SLC24A3: variants seen among roughly 807,000 people sequenced by gnomAD.
SLC24A3 encodes solute carrier family 24 member 3.
Under a neutral mutation model 75.8 loss-of-function variants are expected in SLC24A3, and 28 were observed. That is an observed-to-expected ratio of 0.37 (90% CI 0.27 to 0.51). The LOEUF is 0.51. Among genes scored for constraint, SLC24A3 ranks in the 20% least tolerant of loss-of-function variants. The pLI is 0.94. For synonymous variants in SLC24A3, 372 were observed against 334.1 expected, an observed-to-expected ratio of 1.11 and a Z score of -1.24; for missense variants, 663 against 847.8, an observed-to-expected ratio of 0.78 and a Z score of 2.71.
intron 2 of SLC24A3, among the ~76,000 whole-genome samples, chr20:19,392,076 C>T (rs1362801763): frequency 1.3e-5 from 2 of 152,088 alleles, no homozygotes; most frequent in Non-Finnish European, 2.9e-5. Context: ...CGGGGGCACA[C>T]AGTAGGTATA....
intron 2 of SLC24A3, among the ~76,000 whole-genome samples, chr20:19,336,530 C>T (rs953727923): frequency 2.6e-5 from 4 of 152,194 alleles, no homozygotes; most frequent in East Asian, 1.9e-4. Flanking sequence ...GAATTACAGG[C>T]GCCTGCCACC....
At chr20:19,399,106 A>G (rs1986506959) in intron 2 of SLC24A3, among the ~76,000 whole-genome samples, 1 of 152,134 alleles carries the variant, frequency 6.6e-6, no homozygotes, top group Admixed American at 6.5e-5. Flanking sequence ...TGTCCATTAC[A>G]TATATATAGA....
chr20:19,470,342 C>T (rs529904917), intron 2 of SLC24A3, among the ~76,000 whole-genome samples: 1 of 152,300 alleles, frequency 6.6e-6, no homozygotes, highest in East Asian at 1.9e-4. Flanking sequence ...GTTATCTCAG[C>T]AACTCCAGGT....
intron 3 of SLC24A3, among the ~76,000 whole-genome samples, chr20:19,516,994 A>G (rs1009212307): frequency 5.3e-5 from 8 of 152,144 alleles, no homozygotes; most frequent in African/African-American, 1.9e-4. Flanking sequence ...GGTAAAATCA[A>G]TCAACTCTTC....
chr20:19,230,664 G>GT (rs1228522004), intron 1 of SLC24A3, among the ~76,000 whole-genome samples: 11 of 130,052 alleles, frequency 8.5e-5, no homozygotes, highest in African/African-American at 3.0e-4. Flanking sequence ...ATATTGATGG[G>GT]GGGGGTGCCC....
intron 15 of SLC24A3, among the ~76,000 whole-genome samples, chr20:19,699,449 G>A (rs748721438): frequency 1.3e-5 from 2 of 152,238 alleles, no homozygotes; most frequent in African/African-American, 4.8e-5. Context: ...TGATGTCTAG[G>A]ATAGAATGTC....
intron 6 of SLC24A3, among the ~76,000 whole-genome samples, chr20:19,596,248 G>A (rs150670388): frequency 6.2e-4 from 94 of 152,296 alleles, no homozygotes; most frequent in African/African-American, 2.1e-3. Flanking sequence ...CTTGAGTGGC[G>A]TTGTCAGCAG....
In SLC24A3 at chr20:19,212,896, C is replaced by A; in HGVS notation, c.54C>A (p.Arg18=). The A allele has an allele frequency of 7.6e-7, 1 of 1,320,588 alleles. No homozygotes were observed. Among genetic ancestry groups the A allele is most frequent in the Non-Finnish European group, 9.7e-7 (1 of 1,030,574 alleles). 81.8% of individuals were successfully genotyped at this position (1,320,588 alleles called of 1,614,324 possible). A position where few individuals can be genotyped will look rare whatever the true frequency, so the allele number is the denominator to read the frequency against. Residue 18 remains arginine, a synonymous_variant, in exon 1 of 17, where the codon CGC becomes CGA. Transcript: ENST00000328041. The stretch of plus-strand genomic sequence containing the variant: ...CGCGTCGCCGCCGCCGCCGCCGCCG[C>A]CGGAGGGACCTTCTGCTGAGCCAGC... The part of the protein sequence containing the change: ...DRARRRRRRR[R]RRDLLLSQLC...
chr20:19,627,136 C>A (rs148886992), intron 6 of SLC24A3, among the ~76,000 whole-genome samples: 1,748 of 152,248 alleles, frequency 0.011, 18 homozygotes, highest in Middle Eastern at 0.041. Context: ...ATGCAACAGG[C>A]ACTTAGGAAA....
intron 2 of SLC24A3, among the ~76,000 whole-genome samples, chr20:19,500,037 C>T (rs1401709247): frequency 1.3e-5 from 2 of 152,126 alleles, no homozygotes; most frequent in Non-Finnish European, 2.9e-5. Flanking sequence ...GTGGATGTAG[C>T]GACTCTGCCC....
intron 3 of SLC24A3, among the ~76,000 whole-genome samples, chr20:19,567,407 A>C (rs975132522): frequency 3.3e-5 from 5 of 152,246 alleles, no homozygotes; most frequent in Admixed American, 1.3e-4. Flanking sequence ...ATTAATAAAC[A>C]GAAAGTCAAA....
chr20:19,515,243 G>A (rs2029961465), intron 2 of SLC24A3, among the ~76,000 whole-genome samples: 1 of 152,204 alleles, frequency 6.6e-6, no homozygotes, highest in South Asian at 2.1e-4. Context: ...AAGTATGATG[G>A]TATGACGTGT....
intron 3 of SLC24A3, among the ~76,000 whole-genome samples, chr20:19,565,470 C>T (rs1439153380): frequency 6.6e-6 from 1 of 152,114 alleles, no homozygotes; most frequent in Non-Finnish European, 1.5e-5. Context: ...GCTGCTTTGC[C>T]TCAAGTTCTG....
At chr20:19,689,238 T>C (rs1242672554) in intron 12 of SLC24A3, among the ~76,000 whole-genome samples, 1 of 152,246 alleles carries the variant, frequency 6.6e-6, no homozygotes, top group African/African-American at 2.4e-5. Flanking sequence ...TTGCCGATAT[T>C]ATCGGAACAA....
chr20:19,699,771 T>G (rs1164903839), intron 15 of SLC24A3, among the ~76,000 whole-genome samples: 1 of 152,202 alleles, frequency 6.6e-6, no homozygotes, highest in Non-Finnish European at 1.5e-5. Flanking sequence ...GCTTTCTCCC[T>G]TGCAGGAAAC....
intron 2 of SLC24A3, among the ~76,000 whole-genome samples, chr20:19,347,641 G>A (rs900873776): frequency 1.3e-5 from 2 of 152,184 alleles, no homozygotes; most frequent in Non-Finnish European, 2.9e-5. Context: ...AATTGGAACA[G>A]AATTCATGGT....
intron 6 of SLC24A3, among the ~76,000 whole-genome samples, chr20:19,624,790 A>G (rs1246000770): frequency 6.6e-6 from 1 of 152,230 alleles, no homozygotes; most frequent in Non-Finnish European, 1.5e-5. Flanking sequence ...GCAGGCAGTC[A>G]GTCATACAGC....
At chr20:19,626,641 T>C (rs2031869796) in intron 6 of SLC24A3, among the ~76,000 whole-genome samples, 1 of 152,242 alleles carries the variant, frequency 6.6e-6, no homozygotes, top group Non-Finnish European at 1.5e-5. Flanking sequence ...TAGTCCTTAA[T>C]GCTGGTGCTC....
intron 6 of SLC24A3, among the ~76,000 whole-genome samples, chr20:19,607,526 T>G (rs1235792771): frequency 6.6e-6 from 1 of 152,246 alleles, no homozygotes; most frequent in Non-Finnish European, 1.5e-5. Flanking sequence ...TGCTCATTAA[T>G]GTACCATTTC....
Sources: gnomAD v4.1 joint callset for allele counts (sites outside exome capture counted in the v4.1 genomes callset) on GRCh38, gnomAD v4.1.1 for gene constraint, MANE v1.5 for transcripts, NCBI Gene and HGNC (gene_info 2026-07-23, HGNC 2026-07-21) for gene names.